The following RPTOR variants were observed in gnomAD, a reference collection of about 807,000 sequenced individuals.
RPTOR encodes regulatory-associated protein of mTOR.
In RPTOR, 21 loss-of-function variants were observed where a neutral mutation model predicts 169.9. The ratio of observed to expected loss-of-function variants is 0.12; its 90% CI spans 0.09 to 0.18. The LOEUF is 0.18. Ranked by LOEUF, RPTOR falls within the 10% of genes least tolerant of loss-of-function variation. The pLI is 1.00. For missense variants in RPTOR, 1,133 were observed against 1,855.9 expected (o/e 0.61, Z 7.16); for synonymous variants, 732 against 753.2 (o/e 0.97, Z 0.46).
chr17:80,737,326 G>T (rs2066441810), intron 5 of RPTOR, among the ~76,000 whole-genome samples: 1 of 152,146 alleles, frequency 6.6e-6, no homozygotes, highest in South Asian at 2.1e-4. Flanking sequence ...CCATGCCGAG[G>T]TCTTTATTTC....
chr17:80,953,840 G>A (rs61574158), intron 28 of RPTOR, among the ~76,000 whole-genome samples: 2,476 of 152,298 alleles, frequency 0.016, 68 homozygotes, highest in African/African-American at 0.056. Context: ...GTTGCACACC[G>A]GCCCTCACTG....
At position 80,686,073 on chromosome 17, in the gene RPTOR, A is replaced by G. The variant is rs567938852; in HGVS notation, c.349-21768A>G. 3.9e-5 allele frequency among the ~76,000 whole-genome samples: 6 copies of G among 152,188 alleles called. No homozygotes were observed. The East Asian group carries it at 1.2e-3, about 29-fold the overall frequency. ...TTTTGAGATTACGTGTCTCTAAGATAAAGGATTGGGAGGATGGGCCATGGT... is the reference window on the plus strand; with the variant it reads ...TTTTGAGATTACGTGTCTCTAAGATGAAGGATTGGGAGGATGGGCCATGGT... On this transcript the variant is annotated intron_variant, in intron 3 of 33. Coordinates refer to ENST00000306801, the MANE Select transcript of RPTOR (RefSeq NM_020761.3).
At chr17:80,949,583 G>A (rs1198800957) in intron 28 of RPTOR, 36 bp downstream of exon 28, 1 of 1,560,008 alleles carries the variant, frequency 6.4e-7, no homozygotes, top group East Asian at 2.2e-5. Context: ...AGCAGAATGT[G>A]TTCCCGGGGC....
intron 6 of RPTOR, among the ~76,000 whole-genome samples, chr17:80,761,780 C>A (rs2066738936): frequency 6.6e-6 from 1 of 152,324 alleles, no homozygotes; most frequent in Admixed American, 6.5e-5. Context: ...TTTGCCGCTT[C>A]CTTTCAACAA....
intron 5 of RPTOR, among the ~76,000 whole-genome samples, chr17:80,739,409 G>T (rs2066463975): frequency 6.7e-6 from 1 of 149,916 alleles, no homozygotes; most frequent in Non-Finnish European, 1.5e-5. Context: ...CAGGCATAGA[G>T]ATCAGAAAAG....
chr17:80,711,742 G>GTTTTTTTTTTTTTTTT (rs1298623680), intron 4 of RPTOR, among the ~76,000 whole-genome samples: 1 of 51,404 alleles, frequency 1.9e-5, no homozygotes. Flanking sequence ...TTATACATCA[G>GTTTTTTTTTTTTTTTT]TCTTTTTTTT....
chr17:80,728,501 TGGTTA>T (rs2066360298), intron 4 of RPTOR, among the ~76,000 whole-genome samples: 1 of 141,468 alleles, frequency 7.1e-6, no homozygotes, highest in African/African-American at 2.5e-5. Flanking sequence ...ACCAAATGGC[TGGTTA>T]GAGTTTCCAG....
chr17:80,900,638 C>T lies in RPTOR; in HGVS notation c.2401+6773C>T, dbSNP rs371033059. On this transcript the variant is annotated intron_variant, in intron 20 of 33. Coordinates refer to ENST00000306801, the MANE Select transcript of RPTOR (RefSeq NM_020761.3). The stretch of plus-strand genomic sequence containing the variant: ...ACTGGCCTTCTTCTTTCACAGGAAG[C>T]GACAGCAGCATCACCCCTCGGTGCT... Among the ~76,000 whole-genome samples, 6 of 152,232 alleles carry T rather than the reference C, an allele frequency of 3.9e-5. No individual in the cohort carries two copies. The East Asian group carries it at 5.8e-4, about 15-fold the overall frequency.
intron 3 of RPTOR, among the ~76,000 whole-genome samples, chr17:80,673,571 G>T (rs762401945): frequency 3.9e-5 from 6 of 152,202 alleles, no homozygotes; most frequent in Admixed American, 2.0e-4. Flanking sequence ...CTCAAAGAGC[G>T]GTTGCCGTGA....
intron 13 of RPTOR, among the ~76,000 whole-genome samples, chr17:80,870,429 A>G (rs1003304745): frequency 6.6e-6 from 1 of 152,210 alleles, no homozygotes; most frequent in African/African-American, 2.4e-5. Flanking sequence ...TTTTCTCTGC[A>G]AAGTCGTTTC....
chr17:80,912,890 G>A (rs2068629531), intron 21 of RPTOR, among the ~76,000 whole-genome samples: 1 of 152,184 alleles, frequency 6.6e-6, no homozygotes, highest in African/African-American at 2.4e-5. Context: ...TAAGGCACAT[G>A]GCCATCACTC....
chr17:80,738,785 T>G (rs1402872820), intron 5 of RPTOR, among the ~76,000 whole-genome samples: 1 of 152,248 alleles, frequency 6.6e-6, no homozygotes, highest in Non-Finnish European at 1.5e-5. Context: ...GCTTGATAAA[T>G]ACATATTTGA....
At chr17:80,625,668 AT>A (rs752796681) in intron 1 of RPTOR, 22 bp from the exon 2 acceptor site, 27 of 1,505,596 alleles carry the variant, frequency 1.8e-5, no homozygotes, top group Admixed American at 1.2e-4. Flanking sequence ...ATATTTATTT[AT>A]TTTTTTCTGT....
At chr17:80,684,608 C>A (rs1278931132) in intron 3 of RPTOR, among the ~76,000 whole-genome samples, 1 of 151,924 alleles carries the variant, frequency 6.6e-6, no homozygotes, top group African/African-American at 2.4e-5. Context: ...CCACACCCGG[C>A]TAATTTTTTG....
chr17:80,749,895 T>C (rs979869497), intron 5 of RPTOR, among the ~76,000 whole-genome samples: 2 of 151,600 alleles, frequency 1.3e-5, no homozygotes, highest in African/African-American at 4.9e-5. Context: ...AACAACTTTT[T>C]GTAGAGACAG....
chr17:80,643,735 G>A lies in RPTOR; in HGVS notation c.273G>A (p.Leu91=). The A allele has an allele frequency of 6.2e-7, 1 of 1,613,054 alleles. No individual in the cohort carries two copies. Among genetic ancestry groups the A allele is most frequent in the Non-Finnish European group, 8.5e-7 (1 of 1,179,494 alleles). The part of the protein sequence containing the change: ...CARLECWIDP[L]SMGPQKALET... Reference sequence around the variant, plus strand: ...TTTCCATTGCTTCCTCAGATCCTCTGTCGATGGGTCCTCAGAAAGCTCTGG... The same window carrying A: ...TTTCCATTGCTTCCTCAGATCCTCTATCGATGGGTCCTCAGAAAGCTCTGG... Residue 91 remains leucine (L), a synonymous_variant, in exon 3 of 34, where the codon CTG becomes CTA. Coordinates refer to ENST00000306801, the MANE Select transcript of RPTOR (RefSeq NM_020761.3).
intron 1 of RPTOR, among the ~76,000 whole-genome samples, chr17:80,549,638 C>CA (rs2084321358): frequency 6.6e-6 from 1 of 152,224 alleles, no homozygotes; most frequent in Non-Finnish European, 1.5e-5. Context: ...ATAGTTATCA[C>CA]AGAGTTCATT....
At chr17:80,722,181 G>GTCATCA (rs997458004) in intron 4 of RPTOR, among the ~76,000 whole-genome samples, 3 of 150,674 alleles carry the variant, frequency 2.0e-5, no homozygotes, top group African/African-American at 5.0e-5. Flanking sequence ...GCAAAGTGCC[G>GTCATCA]TCATCATCAT....
chr17:80,702,676 G>GAAAA (rs1313464844), intron 3 of RPTOR, among the ~76,000 whole-genome samples: 5 of 152,220 alleles, frequency 3.3e-5, no homozygotes, highest in Admixed American at 3.3e-4. Flanking sequence ...CAATAGGTAA[G>GAAAA]AAAATGAAGC....
Sources: allele counts gnomAD v4.1 joint callset (sites outside exome capture counted in the v4.1 genomes callset), GRCh38; gene constraint gnomAD v4.1.1; transcripts MANE v1.5; gene names NCBI Gene and HGNC (gene_info 2026-07-23, HGNC 2026-07-21).